EPB41L3: variants seen among roughly 807,000 people sequenced by gnomAD.
EPB41L3 encodes the protein erythrocyte membrane protein band 4.1 like 3, also known as band 4.1-like protein 3.
EPB41L3 carries 57 observed loss-of-function variants against 127.1 expected under a neutral mutation model. The observed-to-expected ratio is 0.45, with a 90% CI of 0.36 to 0.56. The LOEUF is 0.56. EPB41L3 is among the 20% of genes least tolerant of loss of function. The pLI is 0.00. For missense variants in EPB41L3, 1,273 were observed against 1,372.2 expected, an observed-to-expected ratio of 0.93 and a Z score of 1.14; for synonymous variants, 572 against 549.5, an observed-to-expected ratio of 1.04 and a Z score of -0.57.
At chr18:5,513,955 G>A (rs1389764097) in intron 1 of EPB41L3, among the ~76,000 whole-genome samples, 1 of 152,146 alleles carries the variant, frequency 6.6e-6, no homozygotes, top group Non-Finnish European at 1.5e-5. Flanking sequence ...AGCCAAAGCT[G>A]CATTCTAAAA....
intron 1 of EPB41L3, among the ~76,000 whole-genome samples, chr18:5,621,679 T>G (rs560390786): frequency 1.3e-5 from 2 of 152,342 alleles, no homozygotes; most frequent in South Asian, 4.1e-4. Flanking sequence ...AGGTCAAGGC[T>G]GCAGTGAGCT....
At chr18:5,478,467 C>T in intron 2 of EPB41L3, 29 bp from the exon 3 acceptor site, 1 of 1,609,616 alleles carries the variant, frequency 6.2e-7, no homozygotes, top group Non-Finnish European at 8.5e-7. Context: ...CAACAGTTTT[C>T]ATTGCAAGGT....
At chr18:5,480,138 T>C (rs2088131531) in intron 2 of EPB41L3, 1 of 152,212 alleles carries the variant, frequency 6.6e-6, no homozygotes, top group Non-Finnish European at 1.5e-5. Flanking sequence ...AATAAAAATA[T>C]CTGTATGAGA....
At chr18:5,526,503 T>C (rs944036416) in intron 1 of EPB41L3, among the ~76,000 whole-genome samples, 1 of 152,178 alleles carries the variant, frequency 6.6e-6, no homozygotes, top group South Asian at 2.1e-4. Flanking sequence ...TAACTGAATA[T>C]AAATTTAAAA....
upstream of EPB41L3, among the ~76,000 whole-genome samples, chr18:5,546,083 G>T (rs1598889773): frequency 6.6e-6 from 1 of 152,066 alleles, no homozygotes; most frequent in Middle Eastern, 3.4e-3. Context: ...CATTCATTTT[G>T]TTGCAGTATT....
In EPB41L3 at chr18:5,416,224, G is replaced by A. The variant is rs749227489; in HGVS notation, c.1661C>T (p.Pro554Leu). ...CCCTGGGCCATCAGAGTCCAAGGCG[G>A]GCTCTCCAGGCAGGTGCTCAGCTCT... ...PSRAEHLPGE[P>L]ALDSDGPGRP... Residue 554 changes from proline to leucine, a missense_variant, in exon 13 of 23, where the codon CCC becomes CTC. Coordinates refer to ENST00000341928, the MANE Select transcript of EPB41L3 (RefSeq NM_012307.5). 5 of 1,614,140 alleles carry A rather than the reference G, an allele frequency of 3.1e-6. No individual in the cohort carries two copies. The South Asian group carries it at 5.5e-5, about 18-fold the overall frequency.
At chr18:5,608,847 A>T (rs2094693556) in intron 3 of EPB41L3, among the ~76,000 whole-genome samples, 1 of 152,182 alleles carries the variant, frequency 6.6e-6, no homozygotes, top group Non-Finnish European at 1.5e-5. Flanking sequence ...CAATAAGCAA[A>T]ACAGCTGATT....
chr18:5,468,303 T>C (rs559495677), intron 3 of EPB41L3, among the ~76,000 whole-genome samples: 1 of 152,002 alleles, frequency 6.6e-6, no homozygotes, highest in African/African-American at 2.4e-5. Flanking sequence ...AAGGGGTGGG[T>C]CCCTGGTGAA....
At chr18:5,465,929 A>G (rs2084878303) in intron 3 of EPB41L3, among the ~76,000 whole-genome samples, 1 of 152,092 alleles carries the variant, frequency 6.6e-6, no homozygotes, top group African/African-American at 2.4e-5. Context: ...ACACATTTTT[A>G]ACAGTCTGGG....
At chr18:5,537,875 G>A (rs1018563723) in intron 1 of EPB41L3, among the ~76,000 whole-genome samples, 4 of 152,040 alleles carry the variant, frequency 2.6e-5, no homozygotes, top group African/African-American at 9.7e-5. Context: ...CCTTTTATAG[G>A]AAACAATCAA....
At chr18:5,424,673 C>G (rs1218470362) in intron 9 of EPB41L3, among the ~76,000 whole-genome samples, 1 of 152,100 alleles carries the variant, frequency 6.6e-6, no homozygotes, top group Non-Finnish European at 1.5e-5. Flanking sequence ...TCAATTTGCC[C>G]TGATATCACT....
At chr18:5,629,456 C>T (rs549772299), upstream of EPB41L3, among the ~76,000 whole-genome samples, 657 of 151,416 alleles carry the variant, frequency 4.3e-3, 3 homozygotes, top group Non-Finnish European at 7.1e-3. Context: ...CACACTGCCG[C>T]TAGCGCCCCC....
At chr18:5,531,217 C>T (rs376346012) in intron 1 of EPB41L3, among the ~76,000 whole-genome samples, 1 of 152,160 alleles carries the variant, frequency 6.6e-6, no homozygotes, top group African/African-American at 2.4e-5. Flanking sequence ...GTGTTTTAGT[C>T]AAATCACAAA....
At chr18:5,567,211 T>C (rs2094218444) in intron 3 of EPB41L3, 2 of 152,294 alleles carry the variant, frequency 1.3e-5, no homozygotes, top group Admixed American at 1.3e-4. Flanking sequence ...TTCCTTCCAC[T>C]TGGCAATACA....
At position 5,395,727 on chromosome 18, in the gene EPB41L3, G is replaced by A; in HGVS notation, c.2974-20C>T. The stretch of plus-strand genomic sequence containing the variant: ...ATCGACCTAAAGCAGCAGAGGCATA[G>A]ACCCCTCATCCAGGTGCTCACATCT... On this transcript the variant is annotated intron_variant, in intron 19 of 22. Transcript: ENST00000341928. The A allele has an allele frequency of 6.2e-7, 1 of 1,604,078 alleles. No homozygotes were observed. Among genetic ancestry groups the A allele is most frequent in the Non-Finnish European group, 8.5e-7 (1 of 1,171,184 alleles).
intron 3 of EPB41L3, among the ~76,000 whole-genome samples, chr18:5,607,760 C>T (rs1315836120): frequency 6.6e-6 from 1 of 152,080 alleles, no homozygotes; most frequent in Non-Finnish European, 1.5e-5. Flanking sequence ...AATATAATCC[C>T]CCCTGTTCCC....
chr18:5,451,204 C>T (rs1436780846), intron 3 of EPB41L3, among the ~76,000 whole-genome samples: 2 of 152,234 alleles, frequency 1.3e-5, no homozygotes, highest in South Asian at 2.1e-4. Flanking sequence ...TGTTTCTCTC[C>T]CTTTATCCAT....
chr18:5,580,145 G>T lies in EPB41L3; in HGVS notation c.-306+32195C>A, dbSNP rs186366363. On this transcript the variant is annotated intron_variant, in intron 3 of 21. Transcript: ENST00000545076. ...TAAGATAAGTACACACTTCTGTATA[G>T]AAACAGACACTCATTTATGGATAAA... Among the ~76,000 whole-genome samples the T allele has an allele frequency of 1.1e-4, 17 of 152,204 alleles. No homozygotes were observed. The East Asian group carries it at 3.3e-3, about 29-fold the overall frequency.
Position 5,532,919 on chromosome 18 carries a change from G to A in EPB41L3, c.-12+10994C>T, listed in dbSNP as rs116279829. ...GCTGGAATCCAACTCTTAAATAAGA[G>A]CATGGAGAAATAAGAGGTATGATGG... On this transcript the variant is annotated intron_variant, in intron 1 of 22. Transcript: ENST00000341928. Among the ~76,000 whole-genome samples, 1,293 of 152,104 alleles carry A rather than the reference G, an allele frequency of 8.5e-3. 18 individuals carry two copies. The highest frequency in any genetic ancestry group is 0.029 in the African/African-American group (1,204 of 41,476).
Sources: allele counts gnomAD v4.1 joint callset (sites outside exome capture counted in the v4.1 genomes callset), GRCh38; gene constraint gnomAD v4.1.1; transcripts MANE v1.5; gene names NCBI Gene and HGNC (gene_info 2026-07-23, HGNC 2026-07-21).